Variants in TNRC6B observed in about 807,000 individuals in gnomAD.
TNRC6B encodes trinucleotide repeat-containing gene 6B protein.
In TNRC6B, 52 loss-of-function variants were observed where a neutral mutation model predicts 203.6. The ratio of observed to expected loss-of-function variants is 0.26; its 90% CI spans 0.20 to 0.32. TNRC6B has a LOEUF of 0.32. TNRC6B is among the 10% of genes least tolerant of loss of function. TNRC6B has a pLI of 1.00. For missense variants in TNRC6B, 1,923 were observed against 2,286.2 expected (o/e 0.84, Z 3.24); for synonymous variants, 838 against 845.7 (o/e 0.99, Z 0.16).
chr22:40,298,953 G>C (rs1173284485), intron 12 of TNRC6B, among the ~76,000 whole-genome samples: 2 of 151,408 alleles, frequency 1.3e-5, no homozygotes, highest in Non-Finnish European at 1.5e-5. Flanking sequence ...GTGAAAGAGC[G>C]AGACTCCGTC....
At chr22:40,220,881 G>T (rs1040856262) in intron 1 of TNRC6B, among the ~76,000 whole-genome samples, 1 of 152,164 alleles carries the variant, frequency 6.6e-6, no homozygotes, top group African/African-American at 2.4e-5. Context: ...TTTGGTAAGG[G>T]CCCAGAACAC....
intron 15 of TNRC6B, 166 bp downstream of exon 15, chr22:40,301,499 G>T (rs2071022678): frequency 2.6e-6 from 2 of 766,466 alleles, no homozygotes; most frequent in East Asian, 2.7e-5. Flanking sequence ...TTGAGTTTCA[G>T]TGGGTTTCCA....
At chr22:40,158,135 C>A (rs1382900213) in intron 4 of TNRC6B, among the ~76,000 whole-genome samples, 1 of 152,010 alleles carries the variant, frequency 6.6e-6, no homozygotes, top group Admixed American at 6.6e-5. Flanking sequence ...GTTGGGAGTT[C>A]AAGACCAGCC....
intron 1 of TNRC6B, among the ~76,000 whole-genome samples, chr22:40,073,823 C>T (rs531846285): frequency 2.6e-5 from 4 of 152,016 alleles, no homozygotes; most frequent in South Asian, 2.1e-4. Flanking sequence ...TTTGGGAGGC[C>T]GAGGTGGGCA....
chr22:40,192,409 G>A (rs1354872953), intron 1 of TNRC6B, among the ~76,000 whole-genome samples: 3 of 152,124 alleles, frequency 2.0e-5, no homozygotes, highest in Non-Finnish European at 2.9e-5. Context: ...CCTGAGGTCG[G>A]GAGTTGGAGA....
At chr22:40,254,225 T>TA (rs1335313334) in intron 3 of TNRC6B, among the ~76,000 whole-genome samples, 1 of 152,238 alleles carries the variant, frequency 6.6e-6, no homozygotes, top group African/African-American at 2.4e-5. Flanking sequence ...AGAGTAGAAC[T>TA]AAAAGAGTTT....
chr22:40,262,070 TG>T lies in TNRC6B; in HGVS notation c.359del (p.Gly120ValfsTer20). 6.3e-7 allele frequency: 1 copy of T among 1,581,376 alleles called. No homozygotes were observed. Among genetic ancestry groups the T allele is most frequent in the Non-Finnish European group, 8.6e-7 (1 of 1,156,908 alleles). ...QPPPPSCMLL[G>X]GGAGPPPCTA... ...CCCCTCCACCGTCCTGCATGCTCCT[TG>T]GGGGTGGGGCAGGGCCTCCTCCCTG... On this transcript the variant is annotated frameshift_variant, in exon 4 of 23. Coordinates refer to ENST00000454349, the MANE Select transcript of TNRC6B (RefSeq NM_001162501.2). LOFTEE classifies it high-confidence loss of function.
At chr22:40,065,253 C>G (rs980331172) in intron 1 of TNRC6B, among the ~76,000 whole-genome samples, 1 of 151,980 alleles carries the variant, frequency 6.6e-6, no homozygotes, top group Admixed American at 6.5e-5. Flanking sequence ...CTCAAGTGAT[C>G]GTCCTGCCTC....
upstream of TNRC6B, among the ~76,000 whole-genome samples, chr22:40,177,107 T>C (rs1006092267): frequency 2.2e-4 from 33 of 152,010 alleles, no homozygotes; most frequent in African/African-American, 7.7e-4. Context: ...GGAGTGGAGA[T>C]GTATATGCGA....
chr22:40,138,643 G>A (rs2068620632), intron 3 of TNRC6B, among the ~76,000 whole-genome samples: 2 of 152,120 alleles, frequency 1.3e-5, no homozygotes, highest in Admixed American at 6.6e-5. Context: ...AACTAAATTA[G>A]TAGGCATTTT....
At chr22:40,232,748 C>T (rs1425304022) in intron 1 of TNRC6B, among the ~76,000 whole-genome samples, 1 of 152,206 alleles carries the variant, frequency 6.6e-6, no homozygotes. Context: ...TGCAGTGGTG[C>T]ACGCCTCTAA....
At chr22:40,293,190 C>T (rs201714230) in intron 12 of TNRC6B, among the ~76,000 whole-genome samples, 81 of 79,404 alleles carry the variant, frequency 1.0e-3, no homozygotes, top group African/African-American at 1.3e-3. Flanking sequence ...ATATCCTTTT[C>T]TTTTTTTTTT....
intron 1 of TNRC6B, among the ~76,000 whole-genome samples, chr22:40,061,322 C>T (rs1385610412): frequency 1.3e-5 from 2 of 152,152 alleles, no homozygotes; most frequent in Admixed American, 1.3e-4. Context: ...TCAAGCGATT[C>T]TCCAGCCTTG....
At chr22:40,143,149 G>A (rs1006150193) in intron 3 of TNRC6B, among the ~76,000 whole-genome samples, 8 of 152,218 alleles carry the variant, frequency 5.3e-5, no homozygotes, top group African/African-American at 1.9e-4. Flanking sequence ...GTGGAAAAAG[G>A]CTGGGCACAG....
chr22:40,054,175 C>T (rs943389273), intron 1 of TNRC6B, among the ~76,000 whole-genome samples: 1 of 152,202 alleles, frequency 6.6e-6, no homozygotes, highest in African/African-American at 2.4e-5. Context: ...GAGATTGCGC[C>T]ACCACACTCC....
At chr22:40,162,881 G>A (rs1356675562) in intron 4 of TNRC6B, among the ~76,000 whole-genome samples, 1 of 152,102 alleles carries the variant, frequency 6.6e-6, no homozygotes, top group African/African-American at 2.4e-5. Context: ...GTAGATGATA[G>A]TTTATACTCA....
chr22:40,079,882 G>A (rs893048833), intron 1 of TNRC6B, among the ~76,000 whole-genome samples: 8 of 152,032 alleles, frequency 5.3e-5, no homozygotes, highest in South Asian at 2.1e-4. Flanking sequence ...TGCAAGCTCC[G>A]CCTCCCGGCT....
At chr22:40,165,615 A>G (rs1426365123) in intron 4 of TNRC6B, among the ~76,000 whole-genome samples, 1 of 152,202 alleles carries the variant, frequency 6.6e-6, no homozygotes, top group Non-Finnish European at 1.5e-5. Flanking sequence ...GAGACTGGGT[A>G]ATTTATAAAG....
At chr22:40,068,033 G>C (rs2067911501) in intron 1 of TNRC6B, among the ~76,000 whole-genome samples, 1 of 152,138 alleles carries the variant, frequency 6.6e-6, no homozygotes, top group Admixed American at 6.5e-5. Context: ...TAATCACTGG[G>C]TCAAATTCTT....
Sources: gnomAD v4.1 joint callset for allele counts (sites outside exome capture counted in the v4.1 genomes callset) on GRCh38, gnomAD v4.1.1 for gene constraint, MANE v1.5 for transcripts, NCBI Gene and HGNC (gene_info 2026-07-23, HGNC 2026-07-21) for gene names.